The following FAM186B variants were observed in gnomAD, a reference collection of about 807,000 sequenced individuals.
The protein encoded by FAM186B is protein FAM186B.
A neutral mutation model predicts 83.4 loss-of-function variants in FAM186B; 68 were observed. The observed-to-expected ratio is 0.81, with a 90% CI of 0.67 to 1.00. The LOEUF is 1.00. Among genes scored for constraint, FAM186B ranks in the 50% least tolerant of loss-of-function variants. FAM186B has a pLI of 0.00. For missense variants in FAM186B, 983 were observed against 1,099.2 expected (o/e 0.89, Z 1.49); for synonymous variants, 389 against 422.0 (o/e 0.92, Z 0.96).
rs533787530 is a variant in FAM186B at position 49,590,047 on chromosome 12, G to A, written c.2365-1424C>T. Among the ~76,000 whole-genome samples, 7 of 146,456 alleles carry A rather than the reference G, an allele frequency of 4.8e-5. No individual in the cohort carries two copies. The South Asian group carries it at 6.4e-4, about 13-fold the overall frequency. ...GAGTCTTTTATTCCATTATTCCCAA[G>A]TTTCAGCTGTTATCTCTTTGGCCTT... On this transcript the variant is annotated intron_variant, in intron 5 of 6. Coordinates refer to ENST00000257894, the MANE Select transcript of FAM186B (RefSeq NM_032130.3).
At chr12:49,602,255 G>A (rs1272996822) in intron 3 of FAM186B, among the ~76,000 whole-genome samples, 1 of 152,162 alleles carries the variant, frequency 6.6e-6, no homozygotes, top group Non-Finnish European at 1.5e-5. Context: ...TCTAGCGAGG[G>A]TCTAAGTATA....
chr12:49,600,589 C>T lies in FAM186B; in HGVS notation c.1051G>A (p.Glu351Lys), dbSNP rs771630040. The T allele has an allele frequency of 1.6e-5, 26 of 1,612,384 alleles. No homozygotes were observed. The change falls in exon 4 of 7, where the codon GAA becomes AAA. Residue 351 changes from glutamate to lysine, a missense_variant. Transcript: ENST00000257894. This position sits in a 1 kb window ranked among gnomAD's most constrained non-coding sequence, Gnocchi z 4.3. ...TGTTGGCTTTCCTCCATGACTGTTT[C>T]TTTCCTTGGGAGGGTCTCTCTCTCA... The part of the protein sequence containing the change: ...PSERETLPRK[E>K]TVMEESQQEP...
At chr12:49,598,547 T>C (rs1036996922) in intron 5 of FAM186B, among the ~76,000 whole-genome samples, 1 of 152,148 alleles carries the variant, frequency 6.6e-6, no homozygotes, top group Non-Finnish European at 1.5e-5. Flanking sequence ...CAGAAACAGA[T>C]TGGAAAGCTG....
chr12:49,609,322 C>G (rs1003851889), upstream of FAM186B, among the ~76,000 whole-genome samples: 1 of 152,116 alleles, frequency 6.6e-6, no homozygotes, highest in South Asian at 2.1e-4. Context: ...TTTGGAGCAC[C>G]CACTCACCCA....
intron 3 of FAM186B, among the ~76,000 whole-genome samples, chr12:49,602,623 A>C (rs1939918855): frequency 1.3e-5 from 2 of 152,234 alleles, no homozygotes; most frequent in Admixed American, 1.3e-4. Flanking sequence ...TGAGATTAAG[A>C]AGCCAGAAAA....
chr12:49,618,693 A>G, the FAM186B span, among the ~76,000 whole-genome samples: 1 of 152,216 alleles, frequency 6.6e-6, no homozygotes, highest in African/African-American at 2.4e-5. Context: ...ACTCAGAAGA[A>G]TGGGAAGATA....
At position 49,588,516 on chromosome 12, in the gene FAM186B, G is replaced by T; in HGVS notation, c.2472C>A (p.Gly824=). The T allele has an allele frequency of 6.2e-7, 1 of 1,613,476 alleles. No individual in the cohort carries two copies. Among genetic ancestry groups the T allele is most frequent in the Non-Finnish European group, 8.5e-7 (1 of 1,179,702 alleles). The part of the protein sequence containing the change: ...AASPRHIRPS[G]PTYKQPFLSR... ...ACAGAAAGGGCTGCTTGTAGGTGGG[G>T]CCACTGGGGCGGATGTGCCGGGGTG... is the stretch of plus-strand genomic sequence containing the variant. The change falls in exon 6 of 7, where the codon GGC becomes GGA. Residue 824 remains glycine (G), a synonymous_variant. Coordinates refer to ENST00000257894, the MANE Select transcript of FAM186B (RefSeq NM_032130.3).
chr12:49,606,508 C>T, upstream of FAM186B, among the ~76,000 whole-genome samples: 1 of 149,060 alleles, frequency 6.7e-6, no homozygotes, highest in African/African-American at 2.6e-5. Flanking sequence ...CACACACACA[C>T]ACACACACAC....
At chr12:49,598,540 A>G (rs1006007686) in intron 5 of FAM186B, among the ~76,000 whole-genome samples, 17 of 152,110 alleles carry the variant, frequency 1.1e-4, no homozygotes, top group African/African-American at 3.9e-4. Flanking sequence ...CTCTCCCCAG[A>G]AACAGATTGG....
At chr12:49,587,796 G>GA (rs748429923) in intron 6 of FAM186B, 44 bp from the exon 7 acceptor site, 4 of 1,579,454 alleles carry the variant, frequency 2.5e-6, no homozygotes, top group Non-Finnish European at 8.6e-7. Flanking sequence ...AACAGAGAGA[G>GA]ATTGAGATGC....
chr12:49,591,340 T>C (rs1488904604), intron 5 of FAM186B, among the ~76,000 whole-genome samples: 1 of 152,190 alleles, frequency 6.6e-6, no homozygotes, highest in African/African-American at 2.4e-5. Context: ...GAAGAATCAC[T>C]GGGCAAGAAC....
the FAM186B span, among the ~76,000 whole-genome samples, chr12:49,611,443 A>G: frequency 9.9e-5 from 15 of 151,460 alleles, no homozygotes; most frequent in Admixed American, 9.9e-4. Context: ...AGTCCCAGCT[A>G]TTCAGGAGAC....
chr12:49,596,171 G>A (rs373952404), intron 5 of FAM186B, among the ~76,000 whole-genome samples: 198 of 152,166 alleles, frequency 1.3e-3, no homozygotes, highest in South Asian at 0.011. Flanking sequence ...ACTACACAGA[G>A]ATTTCTCAAC....
the FAM186B span, chr12:49,622,739 G>C: frequency 6.6e-6 from 1 of 152,296 alleles, no homozygotes; most frequent in South Asian, 2.1e-4. Context: ...GCTCAGGTGA[G>C]GGGGGAATAA....
downstream of FAM186B, among the ~76,000 whole-genome samples, chr12:49,585,020 C>G (rs1040756179): frequency 6.6e-6 from 1 of 151,792 alleles, no homozygotes; most frequent in Non-Finnish European, 1.5e-5. Context: ...TTTTTTGTTT[C>G]GTTTTGTTTT....
At position 49,601,052 on chromosome 12, in the gene FAM186B, T is replaced by C. The variant is rs374447513; in HGVS notation, c.588A>G (p.Glu196=). 7.5e-5 allele frequency: 121 copies of C among 1,613,214 alleles called. No individual in the cohort carries two copies. The South Asian group carries it at 1.1e-3, about 15-fold the overall frequency. The change falls in exon 4 of 7, where the codon GAA becomes GAG. Residue 196 remains glutamate, a synonymous_variant. Coordinates refer to ENST00000257894, the MANE Select transcript of FAM186B (RefSeq NM_032130.3). The stretch of plus-strand genomic sequence containing the variant: ...TGGTATGCTGGTCCTGGAGCATCTG[T>C]TCTGGGCTTAGTGGCTGAGGATGGG... ...SPSHPQPLSP[E]QMLQDQHTMN...
At chr12:49,588,772 C>T in intron 5 of FAM186B, 149 bp from the exon 6 acceptor site, 1 of 663,730 alleles carries the variant, frequency 1.5e-6, no homozygotes, top group Non-Finnish European at 2.4e-6. Flanking sequence ...AATTAGAAAC[C>T]CTGGGACCAC....
At chr12:49,609,727 C>A (rs572148818), upstream of FAM186B, among the ~76,000 whole-genome samples, 2 of 152,306 alleles carry the variant, frequency 1.3e-5, no homozygotes, top group South Asian at 4.1e-4. Flanking sequence ...CCCAACTCAA[C>A]AACTAGCAAC....
chr12:49,603,128 G>T, intron 3 of FAM186B, 57 bp downstream of exon 3: 1 of 1,587,664 alleles, frequency 6.3e-7, no homozygotes, highest in Non-Finnish European at 8.6e-7. Flanking sequence ...GACTTCCCCT[G>T]CCATGGCTCC....
Sources: gnomAD v4.1 joint callset for allele counts (sites outside exome capture counted in the v4.1 genomes callset) on GRCh38, gnomAD v4.1.1 for gene constraint, Gnocchi (gnomAD v3.1) non-coding constraint, MANE v1.5 for transcripts, NCBI Gene and HGNC (gene_info 2026-07-23, HGNC 2026-07-21) for gene names.